The following ACOT8 variants were observed in gnomAD, a reference collection of about 807,000 sequenced individuals.
ACOT8 encodes the protein acyl-CoA thioesterase 8, also known as acyl-coenzyme A thioesterase 8.
Under a neutral mutation model 38.4 loss-of-function variants are expected in ACOT8, and 31 were observed. The ratio of observed to expected loss-of-function variants is 0.81; its 90% CI spans 0.61 to 1.09. The LOEUF (loss-of-function observed/expected upper bound fraction) is 1.09, where lower values mean the gene tolerates loss of function less well. ACOT8 is among the 50% of genes least tolerant of loss of function. The probability of loss-of-function intolerance (pLI) is 0.00; values close to 1 mark genes in which losing one functional copy is unlikely to be tolerated. For synonymous variants in ACOT8, 158 were observed against 170.3 expected, an observed-to-expected ratio of 0.93 and a Z score of 0.56; for missense variants, 373 against 421.8, an observed-to-expected ratio of 0.88 and a Z score of 1.01.
At chr20:45,850,465 T>G (rs1207261793) in intron 2 of ACOT8, among the ~76,000 whole-genome samples, 1 of 152,202 alleles carries the variant, frequency 6.6e-6, no homozygotes, top group African/African-American at 2.4e-5. Context: ...GACTTGTGGA[T>G]AGTAGGCTGG....
intron 2 of ACOT8, chr20:45,854,129 G>T: frequency 2.1e-6 from 1 of 480,548 alleles, no homozygotes; most frequent in Non-Finnish European, 3.5e-6. Context: ...TGAATTCCTG[G>T]GTTCCAACAA....
chr20:45,847,172 T>C (rs1984735929), intron 3 of ACOT8, among the ~76,000 whole-genome samples: 3 of 152,256 alleles, frequency 2.0e-5, no homozygotes, highest in South Asian at 4.1e-4. Context: ...ATCATGCCAC[T>C]GCACTCCAGC....
At chr20:45,842,430 G>A (rs748668770) in intron 5 of ACOT8, 39 of 1,125,638 alleles carry the variant, frequency 3.5e-5, no homozygotes, top group South Asian at 1.2e-4. Flanking sequence ...GAAAACTATC[G>A]GCTCCCTGTA....
rs1985338458 is a variant in ACOT8, at chr20:45,855,255, C to T, written c.166G>A (p.Gly56Ser). ...AGGGCCTGGCCCACGATCTGACCACCAAACAGCCTCTTGGCCGGTACCCAG... is the reference window on the plus strand; with the variant it reads ...AGGGCCTGGCCCACGATCTGACCACTAAACAGCCTCTTGGCCGGTACCCAG... The part of the protein sequence containing the change: ...HYWVPAKRLF[G>S]GQIVGQALVA... The change falls in exon 2 of 6, where the codon GGT (glycine) becomes AGT (serine). Residue 56 changes from glycine (G) to serine (S), a missense_variant. Transcript: ENST00000217455. 6.2e-7 allele frequency: 1 copy of T among 1,614,038 alleles called. No homozygotes were observed. Among genetic ancestry groups the T allele is most frequent in the Admixed American group, 1.7e-5 (1 of 59,998 alleles).
chr20:45,854,339 A>G (rs1003549592), intron 2 of ACOT8, among the ~76,000 whole-genome samples: 5 of 144,968 alleles, frequency 3.4e-5, no homozygotes, highest in Admixed American at 3.4e-4. Flanking sequence ...CCTCCCGAGT[A>G]GCTGGGACTA....
chr20:45,842,449 C>T (rs1984283116), intron 5 of ACOT8: 1 of 1,067,614 alleles, frequency 9.4e-7, no homozygotes, highest in African/African-American at 1.7e-5. Flanking sequence ...TATAATAAAT[C>T]AAGCCAGGTC....
intron 5 of ACOT8, 77 bp from the exon 6 acceptor site, chr20:45,842,033 A>T (rs763142940): frequency 6.4e-7 from 1 of 1,563,178 alleles, no homozygotes; most frequent in Non-Finnish European, 8.7e-7. Context: ...CCTGAAACAG[A>T]GTCTCACTAA....
chr20:45,855,500 C>T (rs1357611586), intron 1 of ACOT8, among the ~76,000 whole-genome samples: 1 of 152,198 alleles, frequency 6.6e-6, no homozygotes. Flanking sequence ...CATCTGTAAT[C>T]CCAGCACTTT....
Position 45,844,152 on chromosome 20 carries a change from C to T in ACOT8, c.646+111G>A, listed in dbSNP as rs537919535. The T allele has an allele frequency of 1.2e-5, 17 of 1,433,698 alleles. No homozygotes were observed. The South Asian group carries it at 2.0e-4, about 17-fold the overall frequency. The allele number at this position is 1,433,698 out of a possible 1,614,324, so 88.8% of individuals were successfully genotyped here. ...AAGCTAAGCCAACTTCCCCATCATG[C>T]AGATAAGGAAACAGGCCCAGAGAAG... On this transcript the variant is annotated intron_variant, in intron 4 of 5. Coordinates refer to ENST00000217455, the MANE Select transcript of ACOT8 (RefSeq NM_005469.4).
chr20:45,844,166 G>A (rs1427593716), intron 4 of ACOT8, 97 bp downstream of exon 4: 3 of 1,527,112 alleles, frequency 2.0e-6, no homozygotes, highest in Admixed American at 3.4e-5. Flanking sequence ...TAAGGAAACA[G>A]GCCCAGAGAA....
In ACOT8 at chr20:45,843,539, T is replaced by A. The variant is rs777798412; in HGVS notation, c.829A>T (p.Ser277Cys). The change falls in exon 5 of 6, where the codon AGC (serine) becomes TGC (cysteine). Residue 277 changes from serine to cysteine, a missense_variant. By Grantham distance (112) the Ser-to-Cys change is moderately radical. Transcript: ENST00000217455. ...ADHWMLYECE[S>C]PWAGGSRGLV... is the part of the protein sequence containing the mutation. The stretch of plus-strand genomic sequence containing the variant: ...GCCCCACACTCACCGGCCCAGGGGC[T>A]CTCGCATTCATAGAGCATCCAGTGG... The A allele has an allele frequency of 1.2e-6, 2 of 1,609,316 alleles. No individual in the cohort carries two copies. The highest frequency in any genetic ancestry group is 1.7e-6 in the Non-Finnish European group (2 of 1,176,456).
intron 3 of ACOT8, 41 bp from the exon 4 acceptor site, chr20:45,844,461 G>T: frequency 6.2e-7 from 1 of 1,604,130 alleles, no homozygotes; most frequent in Non-Finnish European, 8.5e-7. Context: ...GACCCAGGAA[G>T]AGAGGGAGTC....
rs887393138 is a variant in ACOT8 at position 45,856,588 on chromosome 20, G to A, written c.128+600C>T. ...CCAGCTAATCAGGAGGCTGAGGCAG[G>A]AGAAATGCTTGAACCCGGGAGGCGG... On this transcript the variant is annotated intron_variant, in intron 1 of 5. Transcript: ENST00000217455. Among the ~76,000 whole-genome samples the A allele has an allele frequency of 7.9e-5, 12 of 151,760 alleles. No homozygotes were observed. In the East Asian group the frequency reaches 2.0e-3, roughly 25 times the overall value.
rs766147465 is a variant in ACOT8 at position 45,857,239 on chromosome 20, A to G, written c.77T>C (p.Val26Ala). ...RGDPPGDLRS[V>A]LVTTVLNLEP... ...GAGGTTGAGCACGGTCGTGACCAAG[A>G]CGCTACGGAGGTCCCCAGGGGGATC... The change falls in exon 1 of 6, where the codon GTC becomes GCC. Residue 26 changes from valine (V) to alanine (A), a missense_variant. Val to Ala is a moderately conservative substitution (Grantham distance 64). Coordinates refer to ENST00000217455, the MANE Select transcript of ACOT8 (RefSeq NM_005469.4). 2.5e-6 allele frequency: 4 copies of G among 1,613,726 alleles called. No homozygotes were observed. In the South Asian group the frequency reaches 4.4e-5, roughly 18 times the overall value.
At chr20:45,851,312 T>G (rs1430088932) in intron 2 of ACOT8, among the ~76,000 whole-genome samples, 1 of 152,138 alleles carries the variant, frequency 6.6e-6, no homozygotes, top group South Asian at 2.1e-4. Flanking sequence ...ACTTGTGCAG[T>G]CTGCTTTCAG....
Position 45,848,589 on chromosome 20 carries a change from G to A in ACOT8, c.349C>T (p.His117Tyr). 1 of 1,614,118 alleles carries A rather than the reference G, an allele frequency of 6.2e-7. No homozygotes were observed. The highest frequency in any genetic ancestry group is 8.5e-7 in the Non-Finnish European group (1 of 1,180,028). ...TGGCAGATGAAGATGGGCTTCCCAT[G>A]TTGCACGGCCTTCACAGAGCGCACC... is the stretch of plus-strand genomic sequence containing the variant. ...FSVRSVKAVQ[H>Y]GKPIFICQAS... is the part of the protein sequence containing the mutation. Residue 117 changes from histidine (H) to tyrosine (Y), a missense_variant, in exon 3 of 6, where the codon CAT becomes TAT. Coordinates refer to ENST00000217455, the MANE Select transcript of ACOT8 (RefSeq NM_005469.4).
At chr20:45,849,415 G>C (rs566970572) in intron 2 of ACOT8, among the ~76,000 whole-genome samples, 69 of 151,954 alleles carry the variant, frequency 4.5e-4, no homozygotes, top group African/African-American at 1.6e-3. Flanking sequence ...CTCCTGAGTG[G>C]GGGGGGACTA....
chr20:45,845,989 G>A (rs984647582), intron 3 of ACOT8, among the ~76,000 whole-genome samples: 10 of 151,934 alleles, frequency 6.6e-5, no homozygotes, highest in African/African-American at 1.7e-4. Flanking sequence ...GGGCCACCAC[G>A]CCTGGCTAAT....
rs747173631 is a variant in ACOT8, at chr20:45,843,627, G to A, written c.741C>T (p.His247=). Residue 247 remains histidine, a synonymous_variant, in exon 5 of 6, where the codon CAC becomes CAT. Transcript: ENST00000217455. The part of the protein sequence containing the change: ...GTALLPHQWQ[H]KVHFMVSLDH... Reference sequence around the variant, plus strand: ...CCAGTGAGACCATGAAGTGCACCTTGTGCTGCCACTGGTGAGGCAGCAGTG... The same window carrying A: ...CCAGTGAGACCATGAAGTGCACCTTATGCTGCCACTGGTGAGGCAGCAGTG... 8.1e-6 allele frequency: 13 copies of A among 1,613,762 alleles called. No homozygotes were observed. The highest frequency in any genetic ancestry group is 6.7e-5 in the East Asian group (3 of 44,880).
Sources: gnomAD v4.1 joint callset for allele counts (sites outside exome capture counted in the v4.1 genomes callset) on GRCh38, gnomAD v4.1.1 for gene constraint, MANE v1.5 for transcripts, NCBI Gene and HGNC (gene_info 2026-07-23, HGNC 2026-07-21) for gene names.